Variants in MSANTD2 observed in about 807,000 individuals in gnomAD.
MSANTD2 encodes the protein Myb/SANT DNA binding domain containing 2.
MSANTD2 carries 19 observed loss-of-function variants against 52.6 expected under a neutral mutation model. That is an observed-to-expected ratio of 0.36 (90% CI 0.25 to 0.53). MSANTD2 has a LOEUF of 0.53. Among genes scored for constraint, MSANTD2 ranks in the 20% least tolerant of loss-of-function variants. The pLI is 0.91. For missense variants in MSANTD2, 558 were observed against 716.3 expected (o/e 0.78, Z 2.52); for synonymous variants, 291 against 289.7 (o/e 1.00, Z -0.04).
intron 1 of MSANTD2, among the ~76,000 whole-genome samples, chr11:124,794,266 CCA>C (rs1945423956): frequency 6.6e-6 from 1 of 152,170 alleles, no homozygotes; most frequent in Admixed American, 6.5e-5. Context: ...TTCCAAAATG[CCA>C]GAAAATAAAC....
intron 1 of MSANTD2, among the ~76,000 whole-genome samples, chr11:124,780,906 G>C (rs541677776): frequency 6.8e-4 from 104 of 152,312 alleles, no homozygotes; most frequent in Admixed American, 1.3e-3. Context: ...ACAAGGGCCG[G>C]GTGCGGTGGC....
Position 124,799,875 on chromosome 11 carries a change from A to C in MSANTD2, c.506T>G (p.Ile169Ser), listed in dbSNP as rs1245574001. Residue 169 changes from isoleucine (I) to serine (S), a missense_variant, in exon 1 of 4, where the codon ATC becomes AGC. Ile to Ser is a moderately radical substitution (Grantham distance 142). Transcript: ENST00000374979. Reference protein sequence around the residue: ...ERTPSQCRERIKTLRRCYSRV... With the variant: ...ERTPSQCRERSKTLRRCYSRV... ...CCAGGCCGGGCGGCCGGTTACCTTG[A>C]TGCGCTCCCGGCACTGGGACGGGGT... 3.8e-6 allele frequency: 6 copies of C among 1,577,464 alleles called. No individual in the cohort carries two copies. Among genetic ancestry groups the C allele is most frequent in the African/African-American group, 1.4e-5 (1 of 72,446 alleles).
intron 1 of MSANTD2, chr11:124,783,931 T>G: frequency 1.0e-6 from 1 of 985,426 alleles, no homozygotes; most frequent in Non-Finnish European, 1.2e-6. Flanking sequence ...GTAATACTTG[T>G]AAAGGTCACA....
rs573638532 is a variant in MSANTD2, at chr11:124,779,640, G to A, written c.511-4666C>T. On this transcript the variant is annotated intron_variant, in intron 1 of 3. Transcript: ENST00000374979. The surrounding 1 kb of genome is among the most constrained non-coding windows in gnomAD (Gnocchi z 4.6). ...ATAAAGTCAATCTGCAAGGAGGACA[G>A]CTTAGTTATAATAGCAGGAAACAAT... 4.1e-4 allele frequency among the ~76,000 whole-genome samples: 63 copies of A among 152,352 alleles called. 1 individual carries two copies. In the South Asian group the frequency reaches 0.013, roughly 31 times the overall value.
At position 124,800,044 on chromosome 11, in the gene MSANTD2, T is replaced by C; in HGVS notation, c.337A>G (p.Ile113Val). ...SWTPAETNAL[I>V]AVWGNERLVE... ...AGCCGCTCGTTGCCCCACACTGCGA[T>C]GAGCGCGTTCGTCTCGGCTGGCGTC... The change falls in exon 1 of 4, where the codon ATC (isoleucine) becomes GTC (valine). Residue 113 changes from isoleucine (I) to valine (V), a missense_variant. By Grantham distance (29) the Ile-to-Val change is conservative. Transcript: ENST00000374979. This position sits in a 1 kb window ranked among gnomAD's most constrained non-coding sequence, Gnocchi z 4.3. 1 of 1,570,668 alleles carries C rather than the reference T, an allele frequency of 6.4e-7. No homozygotes were observed. The highest frequency in any genetic ancestry group is 1.1e-5 in the South Asian group (1 of 87,508).
At chr11:124,780,533 T>G (rs1395848114) in intron 1 of MSANTD2, among the ~76,000 whole-genome samples, 1 of 152,226 alleles carries the variant, frequency 6.6e-6, no homozygotes, top group Non-Finnish European at 1.5e-5. Flanking sequence ...TTAACCTTTT[T>G]GAGTCATGGA....
chr11:124,777,315 C>T (rs1944782145), intron 1 of MSANTD2, among the ~76,000 whole-genome samples: 1 of 152,230 alleles, frequency 6.6e-6, no homozygotes, highest in Non-Finnish European at 1.5e-5. Context: ...AAGCATTCAG[C>T]ACACACAAGG....
chr11:124,788,273 C>A (rs535681648), intron 1 of MSANTD2, among the ~76,000 whole-genome samples: 28 of 152,146 alleles, frequency 1.8e-4, no homozygotes, highest in Non-Finnish European at 3.4e-4. Context: ...CAAAACTCAG[C>A]ATGAATAGAA....
intron 1 of MSANTD2, chr11:124,790,421 T>C (rs894438002): frequency 1.8e-4 from 28 of 152,350 alleles, no homozygotes; most frequent in African/African-American, 6.7e-4. Flanking sequence ...CTGTGTAAGC[T>C]GGTAGAGAAG....
At chr11:124,769,263 T>C (rs761862080) in intron 3 of MSANTD2, among the ~76,000 whole-genome samples, 1 of 152,216 alleles carries the variant, frequency 6.6e-6, no homozygotes, top group African/African-American at 2.4e-5. Flanking sequence ...TGGCAGAGAA[T>C]TAATATTTTG....
At chr11:124,799,628 A>G (rs1468709236) in intron 1 of MSANTD2, among the ~76,000 whole-genome samples, 1 of 152,206 alleles carries the variant, frequency 6.6e-6, no homozygotes, top group Non-Finnish European at 1.5e-5. Flanking sequence ...GAACATCTCA[A>G]TTGGCAAGAA....
intron 1 of MSANTD2, chr11:124,791,257 G>A: frequency 6.9e-7 from 1 of 1,448,380 alleles, no homozygotes; most frequent in Non-Finnish European, 9.7e-7. Flanking sequence ...AAGCAAACCT[G>A]GAGTATCCTT....
chr11:124,792,140 T>C (rs1400901411), intron 1 of MSANTD2: 1 of 154,520 alleles, frequency 6.5e-6, no homozygotes, highest in Non-Finnish European at 1.4e-5. Context: ...TGGTTTTACT[T>C]TCCAGTATAC....
At chr11:124,780,398 A>C (rs188636607) in intron 1 of MSANTD2, among the ~76,000 whole-genome samples, 501 of 152,346 alleles carry the variant, frequency 3.3e-3, no homozygotes, top group Middle Eastern at 6.8e-3. Flanking sequence ...AGCCCCAACC[A>C]AGTAAAACCA....
chr11:124,798,476 T>C (rs1945568753), intron 1 of MSANTD2, among the ~76,000 whole-genome samples: 1 of 152,156 alleles, frequency 6.6e-6, no homozygotes, highest in Admixed American at 6.5e-5. Context: ...TTAATGTCTT[T>C]GTTAAAAAAA....
intron 1 of MSANTD2, chr11:124,784,588 G>A (rs948508942): frequency 1.0e-5 from 10 of 985,086 alleles, no homozygotes; most frequent in Non-Finnish European, 1.1e-5. Flanking sequence ...ATGTTTAAAA[G>A]GGAGACTGTG....
chr11:124,782,565 A>T (rs2066315540), intron 1 of MSANTD2, among the ~76,000 whole-genome samples: 1 of 152,214 alleles, frequency 6.6e-6, no homozygotes, highest in Non-Finnish European at 1.5e-5. Context: ...GCCCAAAGAT[A>T]AGTATTCCTT....
intron 1 of MSANTD2, chr11:124,790,933 C>A: frequency 3.6e-6 from 1 of 279,850 alleles, no homozygotes; most frequent in Non-Finnish European, 6.9e-6. Flanking sequence ...TCTAAAAGAA[C>A]ACAATGAATG....
chr11:124,772,556 T>A (rs1944565164), intron 3 of MSANTD2, among the ~76,000 whole-genome samples: 1 of 151,920 alleles, frequency 6.6e-6, no homozygotes, highest in Non-Finnish European at 1.5e-5. Context: ...GCTAACACGA[T>A]GAAACCCCAT....
Sources: allele counts gnomAD v4.1 joint callset (sites outside exome capture counted in the v4.1 genomes callset), GRCh38; gene constraint gnomAD v4.1.1; non-coding constraint Gnocchi (gnomAD v3.1); transcripts MANE v1.5; gene names NCBI Gene and HGNC (gene_info 2026-07-23, HGNC 2026-07-21).